ZNF701: variants seen among roughly 807,000 people sequenced by gnomAD.
ZNF701 encodes the protein zinc finger protein 701.
In ZNF701, 6 loss-of-function variants were observed where a neutral mutation model predicts 7.1. The ratio of observed to expected loss-of-function variants is 0.84; its 90% CI spans 0.46 to 1.66. The LOEUF (loss-of-function observed/expected upper bound fraction) is 1.66, where lower values mean the gene tolerates loss of function less well. Among genes scored for constraint, ZNF701 ranks in the 40% most tolerant of loss-of-function variants. ZNF701 has a pLI of 0.01. For missense variants in ZNF701, 541 were observed against 559.2 expected (o/e 0.97, Z 0.33); for synonymous variants, 166 against 188.2 (o/e 0.88, Z 0.97).
In ZNF701 at chr19:52,584,278, G is replaced by A. The variant is rs1390662318; in HGVS notation, c.*821G>A. 4.5e-6 allele frequency: 1 copy of A among 222,328 alleles called. No homozygotes were observed. The highest frequency in any genetic ancestry group is 9.2e-6 in the Non-Finnish European group (1 of 108,958). The allele number at this position is 222,328 out of a possible 1,614,324, so 13.8% of individuals were successfully genotyped here. ...CAATTCAGAATTGACTTGAGTTTGA[G>A]TTGACTTAAAACATTCAGTTGAAGC... On this transcript the variant is annotated 3_prime_UTR_variant, in exon 4 of 4. Coordinates refer to ENST00000391785, the MANE Select transcript of ZNF701 (RefSeq NM_018260.3).
the ZNF701 span, among the ~76,000 whole-genome samples, chr19:52,594,675 G>T: frequency 6.6e-6 from 1 of 151,924 alleles, no homozygotes; most frequent in African/African-American, 2.4e-5. Context: ...CACCAAGCCC[G>T]GCTATTTCTG....
chr19:52,588,411 G>C (rs894979671), downstream of ZNF701: 1 of 158,224 alleles, frequency 6.3e-6, no homozygotes, highest in African/African-American at 2.4e-5. Context: ...ACTAGAACCA[G>C]GGAGGCAGAG....
chr19:52,596,149 T>C, the ZNF701 span: 3 of 757,292 alleles, frequency 4.0e-6, no homozygotes, highest in African/African-American at 3.5e-5. Context: ...CCTTTAATCA[T>C]AGCTCATGTT....
intron 3 of ZNF701, among the ~76,000 whole-genome samples, chr19:52,578,903 T>A (rs563032434): frequency 4.0e-5 from 6 of 151,666 alleles, no homozygotes; most frequent in African/African-American, 7.3e-5. Flanking sequence ...GACTACAGGC[T>A]CCCGCCACCG....
Position 52,587,122 on chromosome 19 carries a change from T to C in ZNF701, c.*3665T>C, listed in dbSNP as rs527997753. On this transcript the variant is annotated 3_prime_UTR_variant, in exon 4 of 4. Coordinates refer to ENST00000391785, the MANE Select transcript of ZNF701 (RefSeq NM_018260.3). ...GACAGTGTACTTCTGGGTGCTTAGC[T>C]GAGGTTGACACCATGTATTTTAAAT... 1 of 152,330 alleles carries C rather than the reference T, an allele frequency of 6.6e-6. No individual in the cohort carries two copies. Among genetic ancestry groups the C allele is most frequent in the Admixed American group, 6.5e-5 (1 of 15,298 alleles). The allele number at this position is 152,330 out of a possible 1,614,324, so 9.4% of individuals were successfully genotyped here.
chr19:52,583,916 C>A lies in ZNF701; in HGVS notation c.*459C>A. On this transcript the variant is annotated 3_prime_UTR_variant, in exon 4 of 4. Transcript: ENST00000391785. ...CAAGTTTTTCAGACATCATTCATAACTTGCAGTTCATTGGCGATCTTATAC... is the reference window on the plus strand; with the variant it reads ...CAAGTTTTTCAGACATCATTCATAAATTGCAGTTCATTGGCGATCTTATAC... 1 of 406,518 alleles carries A rather than the reference C, an allele frequency of 2.5e-6. No homozygotes were observed. Among genetic ancestry groups the A allele is most frequent in the Non-Finnish European group, 4.9e-6 (1 of 203,782 alleles). 25.2% of individuals were successfully genotyped at this position (406,518 alleles called of 1,614,324 possible).
At chr19:52,595,578 G>A in the ZNF701 span, 1 of 894,484 alleles carries the variant, frequency 1.1e-6, no homozygotes. Flanking sequence ...CCTACCATCT[G>A]TACTTAATTG....
chr19:52,577,634 C>A (rs510234), intron 3 of ZNF701, among the ~76,000 whole-genome samples: 1 of 151,728 alleles, frequency 6.6e-6, no homozygotes, highest in Admixed American at 6.6e-5. Flanking sequence ...CTGTCACACC[C>A]GCATAAGGGC....
the ZNF701 span, among the ~76,000 whole-genome samples, chr19:52,595,354 C>T: frequency 2.0e-5 from 3 of 152,066 alleles, no homozygotes; most frequent in South Asian, 2.1e-4. Flanking sequence ...ACTGCAAGCT[C>T]TGCCTCCAGG....
chr19:52,586,926 C>T lies in ZNF701; in HGVS notation c.*3469C>T, dbSNP rs1317761335. 1 of 152,184 alleles carries T rather than the reference C, an allele frequency of 6.6e-6. No individual in the cohort carries two copies. The highest frequency in any genetic ancestry group is 1.5e-5 in the Non-Finnish European group (1 of 68,052). 9.4% of individuals were successfully genotyped at this position (152,184 alleles called of 1,614,324 possible). A position where few individuals can be genotyped will look rare whatever the true frequency, so the allele number is the denominator to read the frequency against. On this transcript the variant is annotated 3_prime_UTR_variant, in exon 4 of 4. Transcript: ENST00000391785. ...TCATGGCTTTGACCCACCTACATGG[C>T]TCCGTGTCCCCTGCAGGCCTCGCCC...
chr19:52,592,518 C>G, the ZNF701 span, among the ~76,000 whole-genome samples: 66,306 of 151,864 alleles, frequency 0.44, 14,467 homozygotes, highest in Middle Eastern at 0.47. Context: ...GGAATTGTCA[C>G]CATGGCCCAG....
rs537431264 is a variant in ZNF701 at position 52,579,361 on chromosome 19, TA to T, written c.143-2836del. Among the ~76,000 whole-genome samples the T allele has an allele frequency of 1.7e-3, 240 of 139,946 alleles. 8 individuals are homozygous for T. The highest frequency in any genetic ancestry group is 3.4e-3 in the Admixed American group (50 of 14,570). 91.8% of individuals were successfully genotyped at this position (139,946 alleles called of 152,430 possible). On this transcript the variant is annotated intron_variant, in intron 3 of 3. Coordinates refer to ENST00000391785, the MANE Select transcript of ZNF701 (RefSeq NM_018260.3). The stretch of plus-strand genomic sequence containing the variant: ...CAACATGGAGAAACCCCGTCTCTAC[TA>T]AAAATACAAAATTAGCCGGGTGTGG...
At chr19:52,577,095 CCTTT>C (rs1406320780) in intron 3 of ZNF701, among the ~76,000 whole-genome samples, 1 of 152,112 alleles carries the variant, frequency 6.6e-6, no homozygotes, top group Non-Finnish European at 1.5e-5. Flanking sequence ...CTCTGCTCTT[CCTTT>C]CTTTCTTTTT....
rs1568506084 is a variant in ZNF701, at chr19:52,583,198, A to G, written c.1139A>G (p.Lys380Arg). 1 of 1,613,796 alleles carries G rather than the reference A, an allele frequency of 6.2e-7. No homozygotes were observed. The change falls in exon 4 of 4, where the codon AAA becomes AGA. Residue 380 changes from lysine to arginine, a missense_variant. Lys to Arg is a conservative substitution (Grantham distance 26, BLOSUM62 2). Transcript: ENST00000391785. ...CATACTGTAATTCACACTGGAGAGA[A>G]ACCTTACAAGTGTAATGAGTGTGGC... Reference protein sequence around the residue: ...AQHTVIHTGEKPYKCNECGKT... With the variant: ...AQHTVIHTGERPYKCNECGKT...
chr19:52,584,639 C>G lies in ZNF701; in HGVS notation c.*1182C>G, dbSNP rs2059997324. On this transcript the variant is annotated 3_prime_UTR_variant, in exon 4 of 4. Coordinates refer to ENST00000391785, the MANE Select transcript of ZNF701 (RefSeq NM_018260.3). The stretch of plus-strand genomic sequence containing the variant: ...TGTAGATTTCAAGGTGTGAAATTCT[C>G]AGTTTTTTTATGTTTATTCCTAAGT... The G allele has an allele frequency of 6.6e-6, 1 of 152,106 alleles. No homozygotes were observed. Among genetic ancestry groups the G allele is most frequent in the Admixed American group, 6.5e-5 (1 of 15,270 alleles). The allele number at this position is 152,106 out of a possible 1,614,324, so 9.4% of individuals were successfully genotyped here.
intron 1 of ZNF701, chr19:52,572,659 C>T (rs1322905444): frequency 3.7e-5 from 13 of 347,352 alleles, no homozygotes; most frequent in Non-Finnish European, 6.7e-5. Flanking sequence ...GATGTCACAG[C>T]TAAATCTAAA....
At position 52,583,474 on chromosome 19, in the gene ZNF701, G is replaced by A; in HGVS notation, c.*17G>A. 2 of 1,609,114 alleles carry A rather than the reference G, an allele frequency of 1.2e-6. No individual in the cohort carries two copies. The highest frequency in any genetic ancestry group is 1.7e-6 in the Non-Finnish European group (2 of 1,177,136). ...AAATCTTAGAAGTGTAAATTTGCAA[G>A]GTTTTTAGGCAACAGTCAAACCTTG... is the stretch of plus-strand genomic sequence containing the variant. On this transcript the variant is annotated 3_prime_UTR_variant, in exon 4 of 4. Coordinates refer to ENST00000391785, the MANE Select transcript of ZNF701 (RefSeq NM_018260.3).
Position 52,585,541 on chromosome 19 carries a change from C to G in ZNF701, c.*2084C>G, listed in dbSNP as rs1296472813. 7.1e-6 allele frequency: 1 copy of G among 141,726 alleles called. No homozygotes were observed. The highest frequency in any genetic ancestry group is 2.2e-4 in the South Asian group (1 of 4,478). 8.8% of individuals were successfully genotyped at this position (141,726 alleles called of 1,614,324 possible). ...AGTTTCCAGGTAGATGGATATTAAA[C>G]ATAGAATTGAAGAAAAAAAAAAAAA... On this transcript the variant is annotated 3_prime_UTR_variant, in exon 4 of 4. Transcript: ENST00000391785.
chr19:52,584,110 G>A lies in ZNF701; in HGVS notation c.*653G>A. The A allele has an allele frequency of 2.6e-6, 1 of 379,730 alleles. No individual in the cohort carries two copies. 23.5% of individuals were successfully genotyped at this position (379,730 alleles called of 1,614,324 possible). ...CATTAGATATCAGAGGATCCATACT[G>A]GACAGAAATCTTACAAACGTCCTAT... On this transcript the variant is annotated 3_prime_UTR_variant, in exon 4 of 4. Coordinates refer to ENST00000391785, the MANE Select transcript of ZNF701 (RefSeq NM_018260.3).
Sources: allele counts gnomAD v4.1 joint callset (sites outside exome capture counted in the v4.1 genomes callset), GRCh38; gene constraint gnomAD v4.1.1; transcripts MANE v1.5; gene names NCBI Gene and HGNC (gene_info 2026-07-23, HGNC 2026-07-21).